The following ANK2 variants were observed in gnomAD, a reference collection of about 807,000 sequenced individuals.
The protein encoded by ANK2 is ankyrin 2.
Under a neutral mutation model 360.5 loss-of-function variants are expected in ANK2, and 83 were observed. The ratio of observed to expected loss-of-function variants is 0.23; its 90% CI spans 0.19 to 0.28. The LOEUF is 0.28. Ranked by LOEUF, ANK2 falls within the 10% of genes least tolerant of loss-of-function variation. The probability of loss-of-function intolerance (pLI) is 1.00; values close to 1 mark genes in which losing one functional copy is unlikely to be tolerated. For synonymous variants in ANK2, 1,740 were observed against 1,759.5 expected (o/e 0.99, Z 0.28); for missense variants, 4,201 against 4,795.7 (o/e 0.88, Z 3.66).
At position 113,095,584 on chromosome 4, in the gene ANK2, C is replaced by T. The variant is rs147636152; in HGVS notation, c.84+45772C>T. ...TTTCTTTCTATTATTCTATTGTTATCCCCAGTAGAGGAAATGTAGAATCAC... is the reference window on the plus strand; with the variant it reads ...TTTCTTTCTATTATTCTATTGTTATTCCCAGTAGAGGAAATGTAGAATCAC... On this transcript the variant is annotated intron_variant, in intron 1 of 45. Coordinates refer to ENST00000357077, the MANE Select transcript of ANK2 (RefSeq NM_001148.6). Among the ~76,000 whole-genome samples, 1,050 of 152,094 alleles carry T rather than the reference C, an allele frequency of 6.9e-3. 6 individuals are homozygous for T. Among genetic ancestry groups the T allele is most frequent in the African/African-American group, 0.024 (993 of 41,478 alleles).
rs1250768732 is a variant in ANK2, at chr4:112,827,387, C to G, written c.-40+9123C>G. 12 of 1,373,660 alleles carry G rather than the reference C, an allele frequency of 8.7e-6. No homozygotes were observed. The Middle Eastern group carries it at 8.9e-4, about 102-fold the overall frequency. The allele number at this position is 1,373,660 out of a possible 1,614,324, so 85.1% of individuals were successfully genotyped here. ...CAGCATAGAGATGCTAATCTCACAG[C>G]TCTTGCAGCTATTGGACCAAGGAAG... On this transcript the variant is annotated intron_variant, in intron 1 of 30. Transcript: ENST00000503271.
chr4:113,023,315 C>G (rs2058574345), intron 2 of ANK2, among the ~76,000 whole-genome samples: 1 of 152,136 alleles, frequency 6.6e-6, no homozygotes, highest in South Asian at 2.1e-4. Flanking sequence ...ATGATCTAAC[C>G]CAGCAAGATT....
At chr4:113,338,008 A>AG (rs2093772252) in intron 31 of ANK2, among the ~76,000 whole-genome samples, 1 of 152,238 alleles carries the variant, frequency 6.6e-6, no homozygotes. Context: ...GTCTTTAGAC[A>AG]GGTTTCTCAT....
At chr4:113,265,678 C>T (rs912546987) in intron 14 of ANK2, among the ~76,000 whole-genome samples, 2 of 152,040 alleles carry the variant, frequency 1.3e-5, no homozygotes, top group Non-Finnish European at 2.9e-5. Flanking sequence ...TCTCACCTTC[C>T]TTTACATTGA....
chr4:112,744,742 C>G, the ANK2 span, among the ~76,000 whole-genome samples: 1 of 152,232 alleles, frequency 6.6e-6, no homozygotes, highest in Non-Finnish European at 1.5e-5. Flanking sequence ...AGTTTTGGCA[C>G]AAATTTGTAT....
intron 26 of ANK2, chr4:113,323,879 C>G (rs531201451): frequency 7.5e-7 from 1 of 1,340,408 alleles, no homozygotes; most frequent in South Asian, 1.4e-5. Flanking sequence ...TTCCTTGCCT[C>G]AGGATGCTTT....
intron 1 of ANK2, among the ~76,000 whole-genome samples, chr4:113,054,129 A>T (rs1400439768): frequency 6.6e-6 from 1 of 152,240 alleles, no homozygotes; most frequent in African/African-American, 2.4e-5. Context: ...AAACAAGTAC[A>T]TGAGTAAATG....
the ANK2 span, among the ~76,000 whole-genome samples, chr4:112,760,434 G>C: frequency 6.6e-6 from 1 of 151,794 alleles, no homozygotes; most frequent in South Asian, 2.1e-4. Context: ...TGATCCGCCC[G>C]CCTTGGCCTC....
At chr4:113,026,815 A>T (rs2059379530) in intron 2 of ANK2, among the ~76,000 whole-genome samples, 1 of 152,162 alleles carries the variant, frequency 6.6e-6, no homozygotes, top group Admixed American at 6.6e-5. Context: ...GGAAAAAAAT[A>T]AAAAATGATT....
At chr4:113,185,562 T>G (rs950356451) in intron 2 of ANK2, among the ~76,000 whole-genome samples, 2 of 152,206 alleles carry the variant, frequency 1.3e-5, no homozygotes, top group African/African-American at 2.4e-5. Flanking sequence ...GATGGCATTG[T>G]TTTTTTCTTG....
rs1586926465 is a variant in ANK2 at position 113,278,648 on chromosome 4, A to G, written c.1881+90A>G. 2.4e-5 allele frequency: 31 copies of G among 1,293,306 alleles called. No individual in the cohort carries two copies. The East Asian group carries it at 5.6e-4, about 24-fold the overall frequency. 80.1% of individuals were successfully genotyped at this position (1,293,306 alleles called of 1,614,324 possible). On this transcript the variant is annotated intron_variant, in intron 17 of 45. Coordinates refer to ENST00000357077, the MANE Select transcript of ANK2 (RefSeq NM_001148.6). ...TTGTCTTTTAAACACATGGTATAGTATAACTGCGACTAGTCCTAGCGATAG... is the reference window on the plus strand; with the variant it reads ...TTGTCTTTTAAACACATGGTATAGTGTAACTGCGACTAGTCCTAGCGATAG...
intron 2 of ANK2, among the ~76,000 whole-genome samples, chr4:112,948,257 A>G (rs548765327): frequency 6.6e-6 from 1 of 151,804 alleles, no homozygotes; most frequent in Admixed American, 6.6e-5. Flanking sequence ...GCCTATTTAC[A>G]AAAAAAACAG....
intron 4 of ANK2, among the ~76,000 whole-genome samples, chr4:113,229,285 T>A (rs1415384582): frequency 3.9e-5 from 6 of 152,126 alleles, no homozygotes; most frequent in Admixed American, 6.5e-5. Context: ...GAGAATCCCT[T>A]TTCTTGCCTT....
chr4:113,263,008 T>G (rs982659295), intron 13 of ANK2, among the ~76,000 whole-genome samples: 1 of 151,408 alleles, frequency 6.6e-6, no homozygotes, highest in African/African-American at 2.4e-5. Context: ...ACCAACATGA[T>G]GAAACCCCAT....
At chr4:113,020,917 G>T (rs1214167845) in intron 2 of ANK2, among the ~76,000 whole-genome samples, 2 of 152,024 alleles carry the variant, frequency 1.3e-5, no homozygotes, top group African/African-American at 4.8e-5. Context: ...AGAGGATAAG[G>T]ATATAAAATC....
chr4:112,809,085 T>C, the ANK2 span, among the ~76,000 whole-genome samples: 3 of 151,510 alleles, frequency 2.0e-5, no homozygotes, highest in African/African-American at 7.3e-5. Context: ...TCTTGAACTC[T>C]TGAACTCAGG....
chr4:113,022,147 A>G (rs2058319581), intron 2 of ANK2, among the ~76,000 whole-genome samples: 1 of 152,222 alleles, frequency 6.6e-6, no homozygotes, highest in Non-Finnish European at 1.5e-5. Context: ...GCAAATTATC[A>G]ATTTGTCCAA....
intron 2 of ANK2, among the ~76,000 whole-genome samples, chr4:112,933,524 G>C (rs370035562): frequency 6.6e-6 from 1 of 150,488 alleles, no homozygotes; most frequent in African/African-American, 2.5e-5. Flanking sequence ...TTTTGAGGCG[G>C]AGTGTTGCTC....
chr4:113,306,957 C>A lies in ANK2; in HGVS notation c.2548+4118C>A, dbSNP rs556781117. On this transcript the variant is annotated intron_variant, in intron 23 of 45. Transcript: ENST00000357077. ...ATTTAACCAAAGATGTGAAGGTAAT[C>A]GTCTAAGTCTTTGTAGGATCGTGAG... is the stretch of plus-strand genomic sequence containing the variant. Among the ~76,000 whole-genome samples, 5 of 152,322 alleles carry A rather than the reference C, an allele frequency of 3.3e-5. No homozygotes were observed. In the South Asian group the frequency reaches 1.0e-3, roughly 32 times the overall value.
Sources: gnomAD v4.1 joint callset for allele counts (sites outside exome capture counted in the v4.1 genomes callset) on GRCh38, gnomAD v4.1.1 for gene constraint, MANE v1.5 for transcripts, NCBI Gene and HGNC (gene_info 2026-07-23, HGNC 2026-07-21) for gene names.